Variants in FRMPD4 observed in about 807,000 individuals in gnomAD.
FRMPD4 encodes the protein FERM and PDZ domain containing 4.
In FRMPD4, 22 loss-of-function variants were observed where a neutral mutation model predicts 94.1. That is an observed-to-expected ratio of 0.23 (90% CI 0.17 to 0.33). The LOEUF is 0.33. Among genes scored for constraint, FRMPD4 ranks in the 10% least tolerant of loss-of-function variants. FRMPD4 has a pLI of 1.00. For missense variants in FRMPD4, 1,111 were observed against 1,339.9 expected (o/e 0.83, Z 2.67); for synonymous variants, 631 against 548.6 (o/e 1.15, Z -2.10).
In FRMPD4 at chrX:12,542,624, G is replaced by A. The variant is rs766008666; in HGVS notation, c.158+43828G>A. Among the ~76,000 whole-genome samples the A allele has an allele frequency of 4.5e-5, 5 of 111,829 alleles. 1 individual carries two copies. Among genetic ancestry groups the A allele is most frequent in the African/African-American group, 1.6e-4 (5 of 30,755 alleles). On this transcript the variant is annotated intron_variant, in intron 2 of 16. Transcript: ENST00000675598. ...AAATGGAAGAACATTCCATGCTCAT[G>A]GATAGAAGAATCAATATCATGAAAA...
At chrX:11,892,902 C>T (rs1021348239) in intron 3 of FRMPD4, among the ~76,000 whole-genome samples, 1 of 112,080 alleles carries the variant, frequency 8.9e-6, no homozygotes, top group African/African-American at 3.2e-5. Context: ...TCTCGATATA[C>T]GTATACCCGG....
chrX:12,597,152 A>G (rs1428798976), intron 2 of FRMPD4, among the ~76,000 whole-genome samples: 4 of 112,158 alleles, frequency 3.6e-5, no homozygotes, highest in Non-Finnish European at 3.8e-5. Context: ...CATCTCTTAA[A>G]CACATTAAAC....
chrX:12,706,092 T>TC (rs1392250649), intron 11 of FRMPD4, among the ~76,000 whole-genome samples: 4 of 111,585 alleles, frequency 3.6e-5, no homozygotes, highest in African/African-American at 9.8e-5. Flanking sequence ...GGACCTTTTT[T>TC]TTTTTTAAAT....
At chrX:12,566,731 T>G (rs1276550713) in intron 2 of FRMPD4, among the ~76,000 whole-genome samples, 2 of 112,066 alleles carry the variant, frequency 1.8e-5, no homozygotes, top group Non-Finnish European at 3.8e-5. Flanking sequence ...GTGAATTTTT[T>G]GCATAAAAGA....
chrX:12,121,209 T>C, intron 3 of FRMPD4, among the ~76,000 whole-genome samples: 1 of 110,104 alleles, frequency 9.1e-6, no homozygotes, highest in Non-Finnish European at 1.9e-5. Context: ...ACGTGATGTG[T>C]GATACTTCAA....
At chrX:12,286,519 C>G (rs1423265903) in intron 1 of FRMPD4, among the ~76,000 whole-genome samples, 1 of 112,103 alleles carries the variant, frequency 8.9e-6, no homozygotes, top group Admixed American at 9.4e-5. Context: ...ATGAAACACA[C>G]ACTTATGCTT....
chrX:12,175,344 C>T (rs1226118165), intron 1 of FRMPD4, among the ~76,000 whole-genome samples: 1 of 111,393 alleles, frequency 9.0e-6, no homozygotes. Flanking sequence ...CTTATTTTGC[C>T]TCCTCTCAAT....
intron 1 of FRMPD4, among the ~76,000 whole-genome samples, chrX:11,848,359 C>G (rs1036309174): frequency 6.3e-5 from 7 of 111,529 alleles, no homozygotes; most frequent in Non-Finnish European, 1.3e-4. Flanking sequence ...AAGTGTTACT[C>G]CTTTGCCTGC....
intron 1 of FRMPD4, among the ~76,000 whole-genome samples, chrX:12,172,003 T>C (rs1258324244): frequency 9.0e-6 from 1 of 111,306 alleles, no homozygotes; most frequent in Non-Finnish European, 1.9e-5. Context: ...TTATGCCCTT[T>C]AGTGAAGCTC....
Position 11,827,062 on chromosome X carries a change from T to TTATA in FRMPD4, c.-161+4368_-161+4371dup, listed in dbSNP as rs796566750. Among the ~76,000 whole-genome samples, 452 of 80,565 alleles carry TTATA rather than the reference T, an allele frequency of 5.6e-3. 1 individual carries two copies. Among genetic ancestry groups the TTATA allele is most frequent in the African/African-American group, 0.019 (416 of 21,478 alleles). 70.0% of individuals were successfully genotyped at this position (80,565 alleles called of 115,157 possible). A position where few individuals can be genotyped will look rare whatever the true frequency, so the allele number is the denominator to read the frequency against. ...TTTTTGTGTTTTATTTAGATGGAAATTATATATATATATATATATATATAA... is the reference window on the plus strand; with the variant it reads ...TTTTTGTGTTTTATTTAGATGGAAATTATATATATATATATATATATATATATAA... On this transcript the variant is annotated intron_variant, in intron 1 of 18. Coordinates refer to the FRMPD4 transcript ENST00000640291.
At chrX:11,910,658 C>T (rs59043654) in intron 3 of FRMPD4, among the ~76,000 whole-genome samples, 4,593 of 111,424 alleles carry the variant, frequency 0.041, 253 homozygotes, top group African/African-American at 0.14. Flanking sequence ...TCAGGCAATC[C>T]GCTTGCCTTG....
chrX:12,547,602 T>C (rs1157198756), intron 2 of FRMPD4, among the ~76,000 whole-genome samples: 1 of 112,542 alleles, frequency 8.9e-6, no homozygotes, highest in Non-Finnish European at 1.9e-5. Flanking sequence ...ACAAAATGTT[T>C]ATGACATAAT....
intron 3 of FRMPD4, among the ~76,000 whole-genome samples, chrX:11,920,013 G>A (rs1404013966): frequency 9.0e-6 from 1 of 111,720 alleles, no homozygotes; most frequent in Non-Finnish European, 1.9e-5. Flanking sequence ...AACACAGCTG[G>A]CATCCTTTTA....
Position 12,560,742 on chromosome X carries a change from C to CTTTT in FRMPD4, c.159-48937_159-48934dup, listed in dbSNP as rs749269384. On this transcript the variant is annotated intron_variant, in intron 2 of 16. Transcript: ENST00000675598. Reference sequence around the variant, plus strand: ...CCCTAGTGTATGCACCTCCCCTCATCTTTTTTTTTTTTTTTTTTTTTTTTT... The same window carrying CTTTT: ...CCCTAGTGTATGCACCTCCCCTCATCTTTTTTTTTTTTTTTTTTTTTTTTTTTTT... Among the ~76,000 whole-genome samples, 33 of 43,441 alleles carry CTTTT rather than the reference C, an allele frequency of 7.6e-4. 2 individuals are homozygous for CTTTT. Among genetic ancestry groups the CTTTT allele is most frequent in the South Asian group, 1.7e-3 (1 of 582 alleles). 37.7% of individuals were successfully genotyped at this position (43,441 alleles called of 115,157 possible). A position where few individuals can be genotyped will look rare whatever the true frequency, so the allele number is the denominator to read the frequency against.
intron 3 of FRMPD4, among the ~76,000 whole-genome samples, chrX:12,069,007 A>G (rs1226241090): frequency 8.9e-6 from 1 of 112,237 alleles, no homozygotes; most frequent in Non-Finnish European, 1.9e-5. Flanking sequence ...TGTGTTTTGA[A>G]GAAAAATCAA....
At chrX:12,119,914 C>T (rs2147534197) in intron 3 of FRMPD4, among the ~76,000 whole-genome samples, 1 of 112,147 alleles carries the variant, frequency 8.9e-6, no homozygotes. Flanking sequence ...GAGATGGCCT[C>T]GAGTTCTATG....
chrX:12,509,969 A>G (rs555522772), intron 2 of FRMPD4, among the ~76,000 whole-genome samples: 1 of 111,773 alleles, frequency 8.9e-6, no homozygotes, highest in South Asian at 3.7e-4. Flanking sequence ...ACTTGGGGTA[A>G]AATCCCAGCT....
intron 3 of FRMPD4, among the ~76,000 whole-genome samples, chrX:11,987,405 T>C (rs779297118): frequency 9.0e-6 from 1 of 111,403 alleles, no homozygotes; most frequent in South Asian, 3.8e-4. Context: ...AAACTGGGTG[T>C]AGAAGGAACA....
intron 1 of FRMPD4, among the ~76,000 whole-genome samples, chrX:12,479,796 G>C (rs1192656987): frequency 5.4e-5 from 6 of 110,543 alleles, no homozygotes; most frequent in Non-Finnish European, 9.4e-5. Context: ...CACTACACCA[G>C]GCCTGTTCCT....
Sources: allele counts gnomAD v4.1 joint callset (sites outside exome capture counted in the v4.1 genomes callset), GRCh38; gene constraint gnomAD v4.1.1; transcripts MANE v1.5; gene names NCBI Gene and HGNC (gene_info 2026-07-23, HGNC 2026-07-21).